The following FAM135B variants were observed in gnomAD, a reference collection of about 807,000 sequenced individuals.
The protein encoded by FAM135B is protein FAM135B.
A neutral mutation model predicts 127.7 loss-of-function variants in FAM135B; 43 were observed. The ratio of observed to expected loss-of-function variants is 0.34; its 90% confidence interval spans 0.26 to 0.43. The LOEUF (loss-of-function observed/expected upper bound fraction) is 0.43. Ranked by LOEUF, FAM135B falls within the 20% of genes least tolerant of loss-of-function variation. FAM135B has a pLI of 1.00. For missense variants in FAM135B, 1,558 were observed against 1,725.6 expected, an observed-to-expected ratio of 0.90 and a Z score of 1.72; for synonymous variants, 670 against 665.1, an observed-to-expected ratio of 1.01 and a Z score of -0.11.
At chr8:138,198,649 G>T (rs965086479) in intron 7 of FAM135B, among the ~76,000 whole-genome samples, 4 of 152,168 alleles carry the variant, frequency 2.6e-5, no homozygotes, top group African/African-American at 9.7e-5. Context: ...ATTATATTTT[G>T]TTTGTAGAAA....
At chr8:138,142,007 C>T (rs1019208971) in intron 16 of FAM135B, among the ~76,000 whole-genome samples, 2 of 152,156 alleles carry the variant, frequency 1.3e-5, no homozygotes, top group African/African-American at 4.8e-5. Context: ...ATCAGTGTCA[C>T]CCTATGAAAC....
rs186195621 is a variant in FAM135B, at chr8:138,251,363, T to A, written c.369-349A>T. On this transcript the variant is annotated intron_variant, in intron 5 of 19. Coordinates refer to ENST00000395297, the MANE Select transcript of FAM135B (RefSeq NM_015912.4). ...CTCCTACTTTTTCCACTTCTTTATC[T>A]CCCCAACAGATGCCCAGATGTCCAG... Among the ~76,000 whole-genome samples, 3 of 152,198 alleles carry A rather than the reference T, an allele frequency of 2.0e-5. No individual in the cohort carries two copies. In the East Asian group the frequency reaches 5.8e-4, roughly 29 times the overall value.
chr8:138,190,416 C>T (rs1411342505), intron 9 of FAM135B, among the ~76,000 whole-genome samples: 2 of 152,190 alleles, frequency 1.3e-5, no homozygotes, highest in African/African-American at 2.4e-5. Context: ...AATGTTAAAA[C>T]AGAGGGCTTA....
chr8:138,363,652 T>C lies in FAM135B; in HGVS notation c.77+4255A>G, dbSNP rs73440131. On this transcript the variant is annotated intron_variant, in intron 2 of 19. Coordinates refer to ENST00000395297, the MANE Select transcript of FAM135B (RefSeq NM_015912.4). ...CAAAGCCAACATCATTACAAGGCAG[T>C]GTGCATTCTCAGACTGGAACAAACA... 3.1e-3 allele frequency among the ~76,000 whole-genome samples: 478 copies of C among 152,350 alleles called. 1 individual carries two copies. Among genetic ancestry groups the C allele is most frequent in the African/African-American group, 0.011 (446 of 41,584 alleles).
At chr8:138,292,029 T>G (rs1302954802) in intron 3 of FAM135B, among the ~76,000 whole-genome samples, 4 of 152,032 alleles carry the variant, frequency 2.6e-5, no homozygotes, top group Non-Finnish European at 5.9e-5. Context: ...GCCTAAAAAT[T>G]CCATCAAAAA....
At chr8:138,385,804 C>CA (rs1202354637) in intron 1 of FAM135B, among the ~76,000 whole-genome samples, 3 of 151,320 alleles carry the variant, frequency 2.0e-5, no homozygotes, top group Non-Finnish European at 4.4e-5. Flanking sequence ...AGAGCGAGCT[C>CA]AAAAAAACAA....
chr8:138,202,254 T>G (rs72723606), intron 7 of FAM135B, among the ~76,000 whole-genome samples: 3 of 108,030 alleles, frequency 2.8e-5, no homozygotes, highest in Non-Finnish European at 3.9e-5. Context: ...TGTTTTTTTT[T>G]TTTTGTTTTG....
chr8:138,458,238 A>G (rs1175135396), intron 1 of FAM135B, among the ~76,000 whole-genome samples: 1 of 152,230 alleles, frequency 6.6e-6, no homozygotes, highest in Non-Finnish European at 1.5e-5. Flanking sequence ...AGCTCTGTGA[A>G]GGTGGGAATG....
intron 1 of FAM135B, among the ~76,000 whole-genome samples, chr8:138,428,066 G>C (rs1387210083): frequency 6.6e-6 from 1 of 152,086 alleles, no homozygotes; most frequent in Non-Finnish European, 1.5e-5. Flanking sequence ...TCCATTAGTT[G>C]GGTGTCAAAC....
intron 9 of FAM135B, among the ~76,000 whole-genome samples, chr8:138,187,163 T>A (rs1450538046): frequency 6.6e-6 from 1 of 152,232 alleles, no homozygotes; most frequent in Non-Finnish European, 1.5e-5. Context: ...TTTCCTTGTA[T>A]GGTATTGTGA....
At position 138,241,114 on chromosome 8, in the gene FAM135B, A is replaced by G. The variant is rs1471860447; in HGVS notation, c.669+1828T>C. Among the ~76,000 whole-genome samples, 1 of 152,190 alleles carries G rather than the reference A, an allele frequency of 6.6e-6. No individual in the cohort carries two copies. The highest frequency in any genetic ancestry group is 1.5e-5 in the Non-Finnish European group (1 of 68,030). On this transcript the variant is annotated intron_variant, in intron 7 of 19. Coordinates refer to ENST00000395297, the MANE Select transcript of FAM135B (RefSeq NM_015912.4). This position sits in a 1 kb window ranked among gnomAD's most constrained non-coding sequence, Gnocchi z 4.8. Reference sequence around the variant, plus strand: ...GGAGAAGCTGAACTGTGATGTAGTCACAGCAAAGGCTTCGGCCGACCACGG... The same window carrying G: ...GGAGAAGCTGAACTGTGATGTAGTCGCAGCAAAGGCTTCGGCCGACCACGG...
intron 7 of FAM135B, among the ~76,000 whole-genome samples, chr8:138,232,196 T>C (rs1819953917): frequency 1.3e-5 from 2 of 152,238 alleles, no homozygotes; most frequent in African/African-American, 4.8e-5. Flanking sequence ...AGTATGTATC[T>C]ACTTCATGTC....
At chr8:138,421,309 TC>T (rs1180598361) in intron 1 of FAM135B, among the ~76,000 whole-genome samples, 3 of 151,594 alleles carry the variant, frequency 2.0e-5, no homozygotes, top group Non-Finnish European at 4.4e-5. Flanking sequence ...CGAGACTCTG[TC>T]AAAAAAAAAT....
At chr8:138,485,028 A>G (rs1286246658) in intron 1 of FAM135B, among the ~76,000 whole-genome samples, 3 of 152,240 alleles carry the variant, frequency 2.0e-5, no homozygotes, top group Admixed American at 2.0e-4. Context: ...CCCTTGCAAC[A>G]ACACCTCAGC....
chr8:138,425,964 CATATATATATAT>C lies in FAM135B; in HGVS notation c.-19-57974_-19-57963del, dbSNP rs11271386. On this transcript the variant is annotated intron_variant, in intron 1 of 19. Transcript: ENST00000395297. ...AGGAGTTCGAGACCAGCCAGGCCAA[CATATATATATAT>C]ATATATATATATATATATATATATA... 3.6e-3 allele frequency among the ~76,000 whole-genome samples: 393 copies of C among 109,978 alleles called. 8 individuals carry two copies. Among genetic ancestry groups the C allele is most frequent in the South Asian group, 9.5e-3 (20 of 2,096 alleles). 72.1% of individuals were successfully genotyped at this position (109,978 alleles called of 152,430 possible). A position where few individuals can be genotyped will look rare whatever the true frequency, so the allele number is the denominator to read the frequency against.
intron 2 of FAM135B, among the ~76,000 whole-genome samples, chr8:138,334,589 C>G (rs149405057): frequency 6.6e-6 from 1 of 152,104 alleles, no homozygotes; most frequent in Non-Finnish European, 1.5e-5. Context: ...TTCCCCTCTA[C>G]GTGTCCACAT....
intron 7 of FAM135B, among the ~76,000 whole-genome samples, chr8:138,220,010 C>A (rs1237866084): frequency 6.6e-6 from 1 of 150,696 alleles, no homozygotes; most frequent in Non-Finnish European, 1.5e-5. Context: ...AATATTATTT[C>A]TATTTTACAA....
chr8:138,194,021 G>A (rs1040438483), intron 9 of FAM135B, among the ~76,000 whole-genome samples: 7 of 152,124 alleles, frequency 4.6e-5, no homozygotes, highest in South Asian at 2.1e-4. Context: ...CCAGCTGCCC[G>A]CTCATCCACA....
At chr8:138,225,596 G>A (rs1052074073) in intron 7 of FAM135B, among the ~76,000 whole-genome samples, 2 of 152,002 alleles carry the variant, frequency 1.3e-5, no homozygotes, top group African/African-American at 4.8e-5. Flanking sequence ...ACTGTTGGAG[G>A]ACAAATGGTC....
Sources: allele counts gnomAD v4.1 joint callset (sites outside exome capture counted in the v4.1 genomes callset), GRCh38; gene constraint gnomAD v4.1.1; non-coding constraint Gnocchi (gnomAD v3.1); transcripts MANE v1.5; gene names NCBI Gene and HGNC (gene_info 2026-07-23, HGNC 2026-07-21).